The following LRBA variants were observed in gnomAD, a reference collection of about 807,000 sequenced individuals.
The protein encoded by LRBA is LPS responsive beige-like anchor protein.
In LRBA, 176 loss-of-function variants were observed where a neutral mutation model predicts 330.0. That is an observed-to-expected ratio of 0.53 (90% CI 0.47 to 0.60). The LOEUF (loss-of-function observed/expected upper bound fraction) is 0.60, where lower values mean the gene tolerates loss of function less well. Ranked by LOEUF, LRBA falls within the 20% of genes least tolerant of loss-of-function variation. The pLI, the probability that LRBA is intolerant of heterozygous loss-of-function variation, is 0.00. For missense variants in LRBA, 3,259 were observed against 3,444.8 expected, an observed-to-expected ratio of 0.95 and a Z score of 1.35; for synonymous variants, 1,230 against 1,193.0, an observed-to-expected ratio of 1.03 and a Z score of -0.64.
At chr4:150,736,236 A>G (rs537265934) in intron 35 of LRBA, among the ~76,000 whole-genome samples, 7 of 152,196 alleles carry the variant, frequency 4.6e-5, no homozygotes, top group Non-Finnish European at 1.0e-4. Flanking sequence ...AAGGAAGATA[A>G]TATCATAGAG....
At position 150,325,840 on chromosome 4, in the gene LRBA, G is replaced by A; in HGVS notation, c.7421C>T (p.Pro2474Leu). ...GQTPSQLLIE[P>L]HPPRGSAMQV... ...CATGGCAGAACCTCTGGGAGGATGG[G>A]GCTCTATGAGTAGTTGAGAAGGAGT... Residue 2474 changes from proline to leucine, a missense_variant, in exon 49 of 57, where the codon CCC becomes CTC. Transcript: ENST00000651943. 1 of 1,613,536 alleles carries A rather than the reference G, an allele frequency of 6.2e-7. No individual in the cohort carries two copies. The highest frequency in any genetic ancestry group is 8.5e-7 in the Non-Finnish European group (1 of 1,179,662).
chr4:150,571,158 T>G (rs113602119), intron 40 of LRBA, among the ~76,000 whole-genome samples: 2 of 152,186 alleles, frequency 1.3e-5, no homozygotes, highest in African/African-American at 4.8e-5. Flanking sequence ...TCATGAAAAT[T>G]TAATTTGTAC....
intron 37 of LRBA, among the ~76,000 whole-genome samples, chr4:150,647,949 T>A (rs573644310): frequency 4.0e-4 from 61 of 151,732 alleles, no homozygotes; most frequent in African/African-American, 1.4e-3. Flanking sequence ...AGTGTGAGGT[T>A]CAATAAATGT....
intron 35 of LRBA, among the ~76,000 whole-genome samples, chr4:150,753,200 T>A (rs1733792619): frequency 6.6e-6 from 1 of 152,190 alleles, no homozygotes; most frequent in South Asian, 2.1e-4. Context: ...CTTTCTCATA[T>A]CACTTATCTC....
chr4:150,708,745 G>A (rs996648387), intron 36 of LRBA, among the ~76,000 whole-genome samples: 1 of 151,592 alleles, frequency 6.6e-6, no homozygotes, highest in Non-Finnish European at 1.5e-5. Context: ...TTTCTTATCG[G>A]TATTTTAAGC....
chr4:150,790,483 G>A (rs1347303901), intron 34 of LRBA, among the ~76,000 whole-genome samples: 3 of 151,978 alleles, frequency 2.0e-5, no homozygotes, highest in Admixed American at 6.6e-5. Context: ...ACTTTACTCC[G>A]ATTTATTTTG....
At chr4:150,809,537 T>A (rs930442008) in intron 31 of LRBA, among the ~76,000 whole-genome samples, 3 of 152,082 alleles carry the variant, frequency 2.0e-5, no homozygotes, top group Admixed American at 2.0e-4. Flanking sequence ...GGTAAGAAAG[T>A]GAAACTCCGT....
At chr4:150,393,739 G>A (rs1271740800) in intron 47 of LRBA, among the ~76,000 whole-genome samples, 1 of 152,124 alleles carries the variant, frequency 6.6e-6, no homozygotes, top group Non-Finnish European at 1.5e-5. Context: ...TCCCACCTTG[G>A]CCTCCCAAAG....
intron 2 of LRBA, among the ~76,000 whole-genome samples, chr4:150,998,424 G>A (rs1742945335): frequency 6.6e-6 from 1 of 151,720 alleles, no homozygotes. Flanking sequence ...CATAATCATA[G>A]TTCGCTACAG....
At chr4:150,594,916 C>T (rs959443785) in intron 38 of LRBA, among the ~76,000 whole-genome samples, 2 of 151,894 alleles carry the variant, frequency 1.3e-5, no homozygotes, top group Admixed American at 6.6e-5. Context: ...AACTGTTCCA[C>T]CTTTGATATA....
chr4:150,484,920 C>T (rs759142920), intron 42 of LRBA, among the ~76,000 whole-genome samples: 31 of 151,778 alleles, frequency 2.0e-4, no homozygotes, highest in Non-Finnish European at 3.8e-4. Context: ...TATGTAGAAG[C>T]GCATTAATTT....
intron 47 of LRBA, among the ~76,000 whole-genome samples, chr4:150,359,899 G>C (rs1486308975): frequency 6.6e-6 from 1 of 151,662 alleles, no homozygotes; most frequent in East Asian, 1.9e-4. Flanking sequence ...AGAATCTCTT[G>C]AATCCGGGAG....
intron 40 of LRBA, among the ~76,000 whole-genome samples, chr4:150,568,183 CA>C (rs1229977647): frequency 2.6e-5 from 4 of 151,432 alleles, no homozygotes; most frequent in African/African-American, 4.8e-5. Context: ...AAAAAACAAA[CA>C]AAAAAAATAA....
chr4:150,310,616 A>G, intron 51 of LRBA: 1 of 406,432 alleles, frequency 2.5e-6, no homozygotes, highest in South Asian at 4.8e-5. Context: ...ATAACACACT[A>G]CTATTTAAAA....
intron 33 of LRBA, among the ~76,000 whole-genome samples, chr4:150,805,440 A>AG: frequency 1.1e-5 from 1 of 87,568 alleles, no homozygotes; most frequent in East Asian, 3.3e-4. Flanking sequence ...AAGGAAAGGA[A>AG]GGAAAGGGAA....
chr4:150,999,337 C>G (rs1743070500), intron 2 of LRBA, among the ~76,000 whole-genome samples: 2 of 151,904 alleles, frequency 1.3e-5, no homozygotes, highest in South Asian at 4.2e-4. Context: ...GGTTGACCCT[C>G]AGGAAAAAGT....
At chr4:150,860,671 C>G (rs991431508) in intron 22 of LRBA, among the ~76,000 whole-genome samples, 23 of 151,808 alleles carry the variant, frequency 1.5e-4, no homozygotes, top group African/African-American at 4.8e-4. Context: ...ACTAAAAATA[C>G]AAAAAATTAG....
chr4:150,347,435 C>A lies in LRBA; in HGVS notation c.7362+2557G>T, dbSNP rs562444255. ...CCAAGGGAGGCGGATCACTTGAGTT[C>A]AGGAGTTTGAGACCAGCCTGGGCAA... On this transcript the variant is annotated intron_variant, in intron 48 of 56. Coordinates refer to ENST00000651943, the MANE Select transcript of LRBA (RefSeq NM_001364905.1). Among the ~76,000 whole-genome samples the A allele has an allele frequency of 2.0e-5, 3 of 152,232 alleles. No homozygotes were observed. The East Asian group carries it at 5.8e-4, about 29-fold the overall frequency.
At chr4:150,538,540 A>G (rs1764935733) in intron 40 of LRBA, among the ~76,000 whole-genome samples, 2 of 152,204 alleles carry the variant, frequency 1.3e-5, no homozygotes, top group Admixed American at 1.3e-4. Context: ...GCAGGAACAG[A>G]AAACCAAATA....
Sources: allele counts gnomAD v4.1 joint callset (sites outside exome capture counted in the v4.1 genomes callset), GRCh38; gene constraint gnomAD v4.1.1; transcripts MANE v1.5; gene names NCBI Gene and HGNC (gene_info 2026-07-23, HGNC 2026-07-21).